The following TBC1D22A variants were observed in gnomAD, a reference collection of about 807,000 sequenced individuals.
TBC1D22A encodes the protein putative GTPase activator.
A neutral mutation model predicts 60.2 loss-of-function variants in TBC1D22A; 38 were observed. The ratio of observed to expected loss-of-function variants is 0.63; its 90% CI spans 0.49 to 0.83. TBC1D22A has a LOEUF of 0.83. TBC1D22A is among the 40% of genes least tolerant of loss of function. The pLI is 0.00. For missense variants in TBC1D22A, 628 were observed against 701.0 expected (o/e 0.90, Z 1.18); for synonymous variants, 302 against 281.7 (o/e 1.07, Z -0.72).
chr22:46,811,701 G>A (rs941377480), intron 4 of TBC1D22A, among the ~76,000 whole-genome samples: 4 of 152,154 alleles, frequency 2.6e-5, no homozygotes, highest in African/African-American at 4.8e-5. Flanking sequence ...GCCAGCACTC[G>A]AGGCCAGGTG....
At chr22:47,096,069 A>G (rs1334590348) in intron 11 of TBC1D22A, among the ~76,000 whole-genome samples, 1 of 152,266 alleles carries the variant, frequency 6.6e-6, no homozygotes, top group African/African-American at 2.4e-5. Context: ...AGAAACATGT[A>G]GATAATAGTC....
chr22:46,950,894 T>C (rs564813475), intron 8 of TBC1D22A, among the ~76,000 whole-genome samples: 21 of 152,218 alleles, frequency 1.4e-4, no homozygotes, highest in Non-Finnish European at 1.8e-4. Flanking sequence ...TTAATTCTGT[T>C]CCTTTTCTCT....
intron 8 of TBC1D22A, among the ~76,000 whole-genome samples, chr22:46,912,486 G>A (rs16995965): frequency 0.011 from 1,681 of 152,238 alleles, 38 homozygotes; most frequent in African/African-American, 0.038. Flanking sequence ...TCACAGTAAT[G>A]GCTTTAATGG....
intron 12 of TBC1D22A, among the ~76,000 whole-genome samples, chr22:47,165,562 G>A (rs1383434814): frequency 4.0e-5 from 6 of 151,446 alleles, no homozygotes; most frequent in Admixed American, 2.6e-4. Context: ...CAGGCATGTC[G>A]CCCGCCCCAC....
At chr22:46,904,112 T>C (rs1244214287) in intron 7 of TBC1D22A, among the ~76,000 whole-genome samples, 1 of 68,400 alleles carries the variant, frequency 1.5e-5, no homozygotes, top group Non-Finnish European at 2.9e-5. Flanking sequence ...TCTATCTATC[T>C]ATCTATCTAT....
chr22:46,929,867 G>C (rs75309400), intron 8 of TBC1D22A, among the ~76,000 whole-genome samples: 3,442 of 152,208 alleles, frequency 0.023, 121 homozygotes, highest in Admixed American at 0.079. Flanking sequence ...CGGTCCCCTG[G>C]ACCTGGTGTG....
At chr22:47,008,781 T>C (rs1569331658) in intron 10 of TBC1D22A, among the ~76,000 whole-genome samples, 1 of 152,196 alleles carries the variant, frequency 6.6e-6, no homozygotes, top group Admixed American at 6.5e-5. Context: ...TTCTGTCCCT[T>C]CTTCCAGGTA....
chr22:47,081,455 T>G (rs1299482831), intron 11 of TBC1D22A, among the ~76,000 whole-genome samples: 1 of 152,206 alleles, frequency 6.6e-6, no homozygotes, highest in African/African-American at 2.4e-5. Flanking sequence ...CTGCTCTCAC[T>G]ACTTCTATTC....
At chr22:46,883,521 C>T (rs969830472) in intron 5 of TBC1D22A, among the ~76,000 whole-genome samples, 6 of 152,132 alleles carry the variant, frequency 3.9e-5, no homozygotes, top group African/African-American at 7.2e-5. Context: ...TTATTGCCTG[C>T]ATTCCGATGA....
At chr22:46,996,828 T>C (rs897509955) in intron 9 of TBC1D22A, among the ~76,000 whole-genome samples, 5 of 152,196 alleles carry the variant, frequency 3.3e-5, no homozygotes, top group Non-Finnish European at 5.9e-5. Flanking sequence ...GCAGGAGTAA[T>C]GGACCTGTCA....
chr22:46,881,038 A>G (rs1052115893), intron 5 of TBC1D22A, among the ~76,000 whole-genome samples: 2 of 152,096 alleles, frequency 1.3e-5, no homozygotes, highest in African/African-American at 4.8e-5. Flanking sequence ...TGGGGAGGCC[A>G]TGAGAGCTGG....
chr22:46,862,900 G>C (rs1001343402), intron 4 of TBC1D22A, among the ~76,000 whole-genome samples: 1 of 152,174 alleles, frequency 6.6e-6, no homozygotes, highest in Non-Finnish European at 1.5e-5. Context: ...CCGTGGACCC[G>C]ATTTTAGAAA....
chr22:46,770,619 C>G (rs2083450158), intron 1 of TBC1D22A, among the ~76,000 whole-genome samples: 1 of 152,200 alleles, frequency 6.6e-6, no homozygotes, highest in African/African-American at 2.4e-5. Context: ...GTAACCTCCA[C>G]AAAGTGTGTT....
chr22:46,902,594 G>A (rs1198516746), intron 7 of TBC1D22A, among the ~76,000 whole-genome samples: 1 of 152,240 alleles, frequency 6.6e-6, no homozygotes. Flanking sequence ...AATGCGAGTT[G>A]CTGTCCTGGG....
intron 10 of TBC1D22A, among the ~76,000 whole-genome samples, chr22:47,003,216 C>T (rs1458279441): frequency 6.6e-6 from 1 of 152,038 alleles, no homozygotes; most frequent in African/African-American, 2.4e-5. Flanking sequence ...TCAGAGTTCA[C>T]TGATTCTTCT....
intron 8 of TBC1D22A, among the ~76,000 whole-genome samples, chr22:46,925,643 T>C (rs1419216871): frequency 6.6e-6 from 1 of 152,262 alleles, no homozygotes; most frequent in African/African-American, 2.4e-5. Flanking sequence ...ATATTATGCA[T>C]GCACATTTCA....
intron 1 of TBC1D22A, among the ~76,000 whole-genome samples, chr22:46,781,633 TGG>T (rs1055375230): frequency 3.9e-5 from 6 of 152,114 alleles, no homozygotes; most frequent in African/African-American, 1.4e-4. Context: ...GGGGAGGGCA[TGG>T]GGAGGTCTTT....
intron 4 of TBC1D22A, among the ~76,000 whole-genome samples, chr22:46,850,985 C>T (rs779290525): frequency 1.1e-4 from 16 of 152,032 alleles, no homozygotes; most frequent in East Asian, 9.6e-4. Flanking sequence ...TCCATAGAGA[C>T]GGAAAGTGGA....
chr22:47,003,086 G>T (rs1183637427), intron 10 of TBC1D22A, among the ~76,000 whole-genome samples: 1 of 152,152 alleles, frequency 6.6e-6, no homozygotes, highest in Non-Finnish European at 1.5e-5. Context: ...CCAAGGGCTA[G>T]GGGCGCCAAA....
Sources: allele counts gnomAD v4.1 joint callset (sites outside exome capture counted in the v4.1 genomes callset), GRCh38; gene constraint gnomAD v4.1.1; transcripts MANE v1.5; gene names NCBI Gene and HGNC (gene_info 2026-07-23, HGNC 2026-07-21).